Variants in GNB5 observed in about 807,000 individuals in gnomAD.
The protein encoded by GNB5 is G protein subunit beta 5.
GNB5 carries 37 observed loss-of-function variants against 55.3 expected under a neutral mutation model. The observed-to-expected ratio is 0.67, with a 90% CI of 0.51 to 0.88. The LOEUF is 0.88. Among genes scored for constraint, GNB5 ranks in the 40% least tolerant of loss-of-function variants. GNB5 has a pLI of 0.00. For synonymous variants in GNB5, 219 were observed against 198.5 expected (o/e 1.10, Z -0.87); for missense variants, 476 against 515.3 (o/e 0.92, Z 0.74).
intron 2 of GNB5, among the ~76,000 whole-genome samples, chr15:52,183,273 G>C (rs559412811): frequency 6.7e-6 from 1 of 149,272 alleles, no homozygotes; most frequent in African/African-American, 2.4e-5. Flanking sequence ...GGGATTCTTG[G>C]GCTTATTCCA....
intron 10 of GNB5, 172 bp from the exon 11 acceptor site, chr15:52,126,216 CTA>C: frequency 1.8e-6 from 1 of 553,852 alleles, no homozygotes; most frequent in African/African-American, 1.9e-5. Flanking sequence ...CTGTTAATTT[CTA>C]TGAGTCAGTA....
At chr15:52,148,081 T>C (rs1031815337) in intron 5 of GNB5, among the ~76,000 whole-genome samples, 1 of 151,738 alleles carries the variant, frequency 6.6e-6, no homozygotes, top group African/African-American at 2.4e-5. Context: ...AAACCTTTCA[T>C]GTTTTACTTC....
At chr15:52,139,737 C>G in intron 7 of GNB5, 1 of 1,134,172 alleles carries the variant, frequency 8.8e-7, no homozygotes, top group South Asian at 1.6e-5. Flanking sequence ...AGGCCGCGTC[C>G]CCGCCGAGGT....
At chr15:52,153,021 T>TC (rs1429321993) in intron 4 of GNB5, among the ~76,000 whole-genome samples, 1 of 152,186 alleles carries the variant, frequency 6.6e-6, no homozygotes, top group Non-Finnish European at 1.5e-5. Flanking sequence ...GGAGCCAGAC[T>TC]CCAAGTGAGT....
At chr15:52,167,386 T>G (rs538205115) in intron 3 of GNB5, among the ~76,000 whole-genome samples, 2 of 152,104 alleles carry the variant, frequency 1.3e-5, no homozygotes, top group African/African-American at 4.8e-5. Flanking sequence ...AAAGAAAACT[T>G]TGGCCGAGTG....
intron 3 of GNB5, among the ~76,000 whole-genome samples, chr15:52,171,778 C>CT: frequency 6.6e-6 from 1 of 152,102 alleles, no homozygotes; most frequent in South Asian, 2.1e-4. Context: ...CAGAATAGTC[C>CT]AAGACTCTAA....
At chr15:52,156,922 T>A (rs2034218725) in intron 3 of GNB5, among the ~76,000 whole-genome samples, 1 of 152,108 alleles carries the variant, frequency 6.6e-6, no homozygotes, top group Non-Finnish European at 1.5e-5. Context: ...AAAAATAGAT[T>A]GAATTTTCCA....
At position 52,122,668 on chromosome 15, in the gene GNB5, T is replaced by G. The variant is rs2033301294; in HGVS notation, c.*89A>C. 9.2e-7 allele frequency: 1 copy of G among 1,084,130 alleles called. No individual in the cohort carries two copies. Among genetic ancestry groups the G allele is most frequent in the African/African-American group, 1.5e-5 (1 of 64,742 alleles). 67.2% of individuals were successfully genotyped at this position (1,084,130 alleles called of 1,614,324 possible). ...GTTGCTCCCCTAAGCTACACTGCAA[T>G]AAACTCTAAGCTCCTCTAGAAGTAA... On this transcript the variant is annotated 3_prime_UTR_variant, in exon 13 of 13. Transcript: ENST00000261837.
chr15:52,164,045 T>C (rs1324641986), intron 3 of GNB5, among the ~76,000 whole-genome samples: 1 of 152,158 alleles, frequency 6.6e-6, no homozygotes, highest in Non-Finnish European at 1.5e-5. Flanking sequence ...GGCTCACACC[T>C]ATAATTCCAG....
At chr15:52,158,930 G>A (rs1342886724) in intron 3 of GNB5, among the ~76,000 whole-genome samples, 5 of 152,130 alleles carry the variant, frequency 3.3e-5, no homozygotes, top group Non-Finnish European at 7.3e-5. Context: ...AGCTAGATGT[G>A]TGGACACAAG....
chr15:52,151,389 T>C (rs1414807529), intron 4 of GNB5, among the ~76,000 whole-genome samples: 1 of 152,170 alleles, frequency 6.6e-6, no homozygotes, highest in Non-Finnish European at 1.5e-5. Flanking sequence ...TGGCGTCTCA[T>C]TAAACTAAGT....
intron 3 of GNB5, among the ~76,000 whole-genome samples, chr15:52,165,113 G>A (rs990271130): frequency 2.0e-5 from 3 of 152,150 alleles, no homozygotes; most frequent in Non-Finnish European, 2.9e-5. Context: ...AACAATCTCA[G>A]AGCTTGAAGA....
rs564817503 is a variant in GNB5 at position 52,122,100 on chromosome 15, T to A, written c.*657A>T. ...AAGTGGCACAGTGACATCATCATCA[T>A]CCATGAGTCAAACCACCTGTCCTTT... On this transcript the variant is annotated 3_prime_UTR_variant, in exon 13 of 13. Transcript: ENST00000261837. The A allele has an allele frequency of 6.6e-6, 1 of 152,348 alleles. No individual in the cohort carries two copies. The highest frequency in any genetic ancestry group is 2.1e-4 in the South Asian group (1 of 4,824). 9.4% of individuals were successfully genotyped at this position (152,348 alleles called of 1,614,324 possible). A position where few individuals can be genotyped will look rare whatever the true frequency, so the allele number is the denominator to read the frequency against.
intron 9 of GNB5, 144 bp from the exon 10 acceptor site, chr15:52,128,388 A>G: frequency 1.5e-6 from 1 of 650,852 alleles, no homozygotes; most frequent in Non-Finnish European, 2.8e-6. Context: ...GGAAGCTCCT[A>G]TGTCAGGCCC....
intron 4 of GNB5, among the ~76,000 whole-genome samples, chr15:52,153,607 A>G (rs2034145505): frequency 1.3e-5 from 2 of 152,230 alleles, no homozygotes; most frequent in Non-Finnish European, 2.9e-5. Flanking sequence ...AATTGAAAGA[A>G]AGTCATTGAC....
chr15:52,160,634 T>C (rs1225777420), intron 3 of GNB5, among the ~76,000 whole-genome samples: 1 of 152,226 alleles, frequency 6.6e-6, no homozygotes, highest in African/African-American at 2.4e-5. Context: ...TAAAAATATA[T>C]GGTCACTTAC....
At chr15:52,163,694 C>A (rs1414604536) in intron 3 of GNB5, among the ~76,000 whole-genome samples, 3 of 152,326 alleles carry the variant, frequency 2.0e-5, no homozygotes, top group East Asian at 1.9e-4. Flanking sequence ...AGGGAGGTTT[C>A]CCCCAGCACA....
rs2033171491 is a variant in GNB5, at chr15:52,117,590, T to TC, written c.*5166dup. On this transcript the variant is annotated 3_prime_UTR_variant, in exon 13 of 13. Transcript: ENST00000261837. ...TGTGGCAGCCCACGGGAGGCCAGAG[T>TC]CCCCTGTGGAGACTGACCAACCCTG... 5 of 152,202 alleles carry TC rather than the reference T, an allele frequency of 3.3e-5. No homozygotes were observed. Among genetic ancestry groups the TC allele is most frequent in the Admixed American group, 1.3e-4 (2 of 15,284 alleles). 9.4% of individuals were successfully genotyped at this position (152,202 alleles called of 1,614,324 possible).
chr15:52,154,627 C>A (rs1287520484), intron 3 of GNB5, among the ~76,000 whole-genome samples: 1 of 152,194 alleles, frequency 6.6e-6, no homozygotes, highest in Non-Finnish European at 1.5e-5. Context: ...ATAAGGTACA[C>A]CCTGCAGCTC....
Sources: allele counts gnomAD v4.1 joint callset (sites outside exome capture counted in the v4.1 genomes callset), GRCh38; gene constraint gnomAD v4.1.1; transcripts MANE v1.5; gene names NCBI Gene and HGNC (gene_info 2026-07-23, HGNC 2026-07-21).